Variants in KIF1B observed in about 807,000 individuals in gnomAD.
KIF1B encodes kinesin family member 1B.
KIF1B carries 76 observed loss-of-function variants against 241.9 expected under a neutral mutation model. The observed-to-expected ratio is 0.31, with a 90% CI of 0.26 to 0.38. The LOEUF is 0.38. Ranked by LOEUF, KIF1B falls within the 10% of genes least tolerant of loss-of-function variation. The probability of loss-of-function intolerance (pLI) is 1.00; values close to 1 mark genes in which losing one functional copy is unlikely to be tolerated. For missense variants in KIF1B, 1,622 were observed against 2,271.4 expected (o/e 0.71, Z 5.81); for synonymous variants, 750 against 796.7 (o/e 0.94, Z 0.99).
rs1444065436 is a variant in KIF1B at position 10,381,062 on chromosome 1, G to A, written c.*4475G>A. The A allele has an allele frequency of 2.7e-5, 6 of 223,674 alleles. No homozygotes were observed. Among genetic ancestry groups the A allele is most frequent in the Non-Finnish European group, 4.5e-5 (5 of 112,186 alleles). The allele number at this position is 223,674 out of a possible 1,614,324, so 13.9% of individuals were successfully genotyped here. On this transcript the variant is annotated 3_prime_UTR_variant, in exon 49 of 49. Coordinates refer to ENST00000676179, the MANE Select transcript of KIF1B (RefSeq NM_001365951.3). ...ACGGCTGTGCTCAGATGGAAAGTCT[G>A]AGCTGAGGTTGGTCTCTTGCCAAAC...
intron 38 of KIF1B, among the ~76,000 whole-genome samples, chr1:10,358,160 AT>A (rs940687994): frequency 2.8e-4 from 43 of 151,760 alleles, no homozygotes; most frequent in Admixed American, 2.8e-3. Flanking sequence ...TGAAAGAAAA[AT>A]TTTTCCCTCA....
At chr1:10,265,556 A>G (rs116736282) in intron 5 of KIF1B, among the ~76,000 whole-genome samples, 2,520 of 152,222 alleles carry the variant, frequency 0.017, 59 homozygotes, top group African/African-American at 0.056. Flanking sequence ...TTTAAAACAC[A>G]AATTAAGGCC....
chr1:10,226,612 C>T (rs749022816), intron 1 of KIF1B, among the ~76,000 whole-genome samples: 3 of 152,164 alleles, frequency 2.0e-5, no homozygotes, highest in Non-Finnish European at 4.4e-5. Context: ...CTGTCATCCC[C>T]TAACAAATTC....
intron 28 of KIF1B, among the ~76,000 whole-genome samples, chr1:10,335,985 A>G (rs1160449458): frequency 6.6e-6 from 1 of 152,128 alleles, no homozygotes. Context: ...CCTTTCCCCT[A>G]TGGAAACTTG....
intron 11 of KIF1B, among the ~76,000 whole-genome samples, 190 bp from the exon 12 acceptor site, chr1:10,276,131 C>A (rs902591663): frequency 6.6e-5 from 10 of 152,100 alleles, no homozygotes; most frequent in Admixed American, 5.2e-4. Flanking sequence ...TGGTCTCGAA[C>A]TCCTGACCTC....
Position 10,374,238 on chromosome 1 carries a change from G to A in KIF1B, c.4947-78G>A. 6.7e-7 allele frequency: 1 copy of A among 1,481,628 alleles called. No individual in the cohort carries two copies. Among genetic ancestry groups the A allele is most frequent in the South Asian group, 1.1e-5 (1 of 88,262 alleles). 91.8% of individuals were successfully genotyped at this position (1,481,628 alleles called of 1,614,324 possible). A position where few individuals can be genotyped will look rare whatever the true frequency, so the allele number is the denominator to read the frequency against. On this transcript the variant is annotated intron_variant, in intron 45 of 48. Coordinates refer to ENST00000676179, the MANE Select transcript of KIF1B (RefSeq NM_001365951.3). This position sits in a 1 kb window ranked among gnomAD's most constrained non-coding sequence, Gnocchi z 4.3. ...AGGGAGGGCCATTGTGTTCCTCCCA[G>A]TGAAACAGTACTCAGTATGCCTTGA...
At position 10,257,509 on chromosome 1, in the gene KIF1B, A is replaced by G. The variant is rs894907007; in HGVS notation, c.184-984A>G. Among the ~76,000 whole-genome samples, 7 of 151,680 alleles carry G rather than the reference A, an allele frequency of 4.6e-5. No homozygotes were observed. In the South Asian group the frequency reaches 1.5e-3, roughly 32 times the overall value. ...AAAAGGAAAGAGGCTGCAGATCCAC[A>G]AGGGAAACAAAAGATTACCAGTATT... On this transcript the variant is annotated intron_variant, in intron 3 of 48. Transcript: ENST00000676179.
intron 22 of KIF1B, chr1:10,305,588 A>T (rs1272560101): frequency 9.4e-7 from 1 of 1,058,458 alleles, no homozygotes; most frequent in Non-Finnish European, 1.1e-6. Flanking sequence ...AGTTGATGAA[A>T]TAGTGAAATA....
intron 41 of KIF1B, 145 bp from the exon 42 acceptor site, chr1:10,364,955 G>C (rs1638524651): frequency 4.8e-6 from 3 of 627,420 alleles, no homozygotes; most frequent in Non-Finnish European, 7.7e-6. Context: ...GCAGTGGGCT[G>C]AGATCACGCC....
At chr1:10,239,578 C>A (rs1647104748) in intron 2 of KIF1B, among the ~76,000 whole-genome samples, 2 of 151,578 alleles carry the variant, frequency 1.3e-5, no homozygotes, top group Admixed American at 6.6e-5. Context: ...AGATATTGAA[C>A]CGTTTTCATT....
chr1:10,245,965 A>T (rs1027044212), intron 2 of KIF1B, among the ~76,000 whole-genome samples: 10 of 152,112 alleles, frequency 6.6e-5, no homozygotes, highest in Admixed American at 6.6e-4. Flanking sequence ...TTGTCCTCAG[A>T]TCTCTCTCTC....
chr1:10,293,421 G>C lies in KIF1B; in HGVS notation c.1590+1299G>C, dbSNP rs1156640978. 8.3e-5 allele frequency among the ~76,000 whole-genome samples: 10 copies of C among 121,094 alleles called. No individual in the cohort carries two copies. The Admixed American group carries it at 9.2e-4, about 11-fold the overall frequency. The allele number at this position is 121,094 out of a possible 152,430, so 79.4% of individuals were successfully genotyped here. On this transcript the variant is annotated intron_variant, in intron 17 of 48. Coordinates refer to ENST00000676179, the MANE Select transcript of KIF1B (RefSeq NM_001365951.3). ...TTTTTTTTTTTTTTTTTTTGAGACA[G>C]AGTCTCACTCTGTCGCCAGGCTGGA... is the stretch of plus-strand genomic sequence containing the variant.
intron 38 of KIF1B, among the ~76,000 whole-genome samples, chr1:10,356,877 C>T (rs927236623): frequency 2.7e-5 from 4 of 150,732 alleles, no homozygotes; most frequent in Non-Finnish European, 4.4e-5. Flanking sequence ...TCCAGCCTGG[C>T]GACAGAGCTA....
At position 10,260,638 on chromosome 1, in the gene KIF1B, G is replaced by A. The variant is rs549150850; in HGVS notation, c.364-1267G>A. ...CCATCACTTTGGGAGGCCAAGGCGG[G>A]TGGATCACTGGAGGTCAGGAGTTCG... On this transcript the variant is annotated intron_variant, in intron 4 of 48. Coordinates refer to ENST00000676179, the MANE Select transcript of KIF1B (RefSeq NM_001365951.3). Among the ~76,000 whole-genome samples the A allele has an allele frequency of 6.7e-4, 102 of 152,222 alleles. 1 individual carries two copies. Among genetic ancestry groups the A allele is most frequent in the Non-Finnish European group, 3.8e-4 (26 of 68,004 alleles).
intron 22 of KIF1B, chr1:10,307,263 C>T (rs1020840744): frequency 2.0e-6 from 2 of 1,020,438 alleles, no homozygotes; most frequent in African/African-American, 3.4e-5. Context: ...GTAACTAGTG[C>T]CATGCTTTTG....
intron 37 of KIF1B, among the ~76,000 whole-genome samples, chr1:10,350,739 C>T (rs1652762479): frequency 6.6e-6 from 1 of 151,920 alleles, no homozygotes; most frequent in Non-Finnish European, 1.5e-5. Context: ...ATTTTTTTCC[C>T]CATCCAAGCT....
intron 40 of KIF1B, 76 bp downstream of exon 40, chr1:10,361,901 GC>G: frequency 6.5e-7 from 1 of 1,531,252 alleles, no homozygotes; most frequent in Non-Finnish European, 9.0e-7. Context: ...AGTATTCTCG[GC>G]TTACTGTCTC....
intron 32 of KIF1B, 91 bp downstream of exon 32, chr1:10,339,950 C>T: frequency 9.4e-7 from 1 of 1,068,890 alleles, no homozygotes; most frequent in South Asian, 1.3e-5. Context: ...AGGTACAAGT[C>T]ACTGGCTGTG....
At position 10,282,399 on chromosome 1, in the gene KIF1B, G is replaced by A. The variant is rs775090163; in HGVS notation, c.1300G>A (p.Ala434Thr). The A allele has an allele frequency of 9.3e-6, 15 of 1,614,028 alleles. No homozygotes were observed. The highest frequency in any genetic ancestry group is 1.2e-5 in the Non-Finnish European group (14 of 1,180,020). Residue 434 changes from alanine (A) to threonine (T), a missense_variant, in exon 15 of 49, where the codon GCA (alanine) becomes ACA (threonine). By Grantham distance (58) the Ala-to-Thr change is moderately conservative. This residue lies in a region of KIF1B where 201 missense variants were observed against 301.2 expected (regional missense o/e 0.67). Transcript: ENST00000676179. ...ENQRPGHFST[A>T]SMGSLTSSPS... ...TCAACGCCCTGGCCATTTTTCCACAGCATCCATGGGGTCCCTCACTTCATC... is the reference window on the plus strand; with the variant it reads ...TCAACGCCCTGGCCATTTTTCCACAACATCCATGGGGTCCCTCACTTCATC...
Sources: allele counts gnomAD v4.1 joint callset (sites outside exome capture counted in the v4.1 genomes callset), GRCh38; gene constraint gnomAD v4.1.1; regional missense constraint gnomAD v4.1.1; non-coding constraint Gnocchi (gnomAD v3.1); transcripts MANE v1.5; gene names NCBI Gene and HGNC (gene_info 2026-07-23, HGNC 2026-07-21).